The following RAD18 variants were observed in gnomAD, a reference collection of about 807,000 sequenced individuals.
RAD18 encodes RAD18 E3 ubiquitin protein ligase, also known as E3 ubiquitin-protein ligase RAD18.
RAD18 carries 47 observed loss-of-function variants against 60.4 expected under a neutral mutation model. The observed-to-expected ratio is 0.78, with a 90% confidence interval of 0.62 to 0.99. The LOEUF is 0.99. Ranked by LOEUF, RAD18 falls within the 50% of genes least tolerant of loss-of-function variation. RAD18 has a pLI of 0.00. For synonymous variants in RAD18, 225 were observed against 195.5 expected, an observed-to-expected ratio of 1.15 and a Z score of -1.26; for missense variants, 640 against 593.3, an observed-to-expected ratio of 1.08 and a Z score of -0.82.
At chr3:8,897,831 C>T (rs1306274810) in intron 11 of RAD18, among the ~76,000 whole-genome samples, 6 of 151,752 alleles carry the variant, frequency 4.0e-5, no homozygotes, top group African/African-American at 1.2e-4. Context: ...TTTGGGAGGC[C>T]GAGGTGGGTG....
intron 7 of RAD18, among the ~76,000 whole-genome samples, chr3:8,934,482 C>G (rs575117395): frequency 2.6e-5 from 4 of 152,248 alleles, no homozygotes; most frequent in African/African-American, 9.6e-5. Flanking sequence ...AGATGGCCAA[C>G]AAGCATATAA....
At chr3:8,889,514 TA>T (rs1939644471) in intron 12 of RAD18, among the ~76,000 whole-genome samples, 1 of 151,982 alleles carries the variant, frequency 6.6e-6, no homozygotes, top group African/African-American at 2.4e-5. Flanking sequence ...CACAGTGCTG[TA>T]AGCGCCTACT....
chr3:8,917,523 T>C (rs995128280), intron 7 of RAD18, among the ~76,000 whole-genome samples: 2 of 151,922 alleles, frequency 1.3e-5, no homozygotes, highest in Non-Finnish European at 2.9e-5. Context: ...GAATTAGGAG[T>C]TGGGAGTATG....
In RAD18 at chr3:8,935,899, G is replaced by A. The variant is rs1372493183; in HGVS notation, c.861C>T (p.Ala287=). The A allele has an allele frequency of 6.2e-7, 1 of 1,600,314 alleles. No individual in the cohort carries two copies. The highest frequency in any genetic ancestry group is 1.7e-5 in the Admixed American group (1 of 57,332). The change falls in exon 7 of 13, where the codon GCC becomes GCT. Residue 287 remains alanine (A), a synonymous_variant. Coordinates refer to ENST00000264926, the MANE Select transcript of RAD18 (RefSeq NM_020165.4). The stretch of plus-strand genomic sequence containing the variant: ...ATTTAGGATGCAAAGCATCGCATTG[G>A]GCATTGTACATGTGTACAAATTCTT... ...RHQEFVHMYN[A]QCDALHPKSA... is the part of the protein sequence containing the mutation.
At chr3:8,953,706 T>A (rs147475940) in intron 2 of RAD18, among the ~76,000 whole-genome samples, 2 of 152,230 alleles carry the variant, frequency 1.3e-5, no homozygotes, top group Admixed American at 1.3e-4. Context: ...CACAGAAATA[T>A]CCAAGCCTTG....
chr3:8,908,875 C>T (rs9835191), intron 9 of RAD18, among the ~76,000 whole-genome samples: 8,570 of 152,200 alleles, frequency 0.056, 765 homozygotes, highest in African/African-American at 0.19. Context: ...TCCCCAGCTC[C>T]GAGCACAGTG....
At chr3:8,889,585 A>G (rs899284144) in intron 12 of RAD18, among the ~76,000 whole-genome samples, 4 of 152,194 alleles carry the variant, frequency 2.6e-5, no homozygotes, top group Non-Finnish European at 5.9e-5. Flanking sequence ...AACTAGATGA[A>G]AAAATAAAGA....
At chr3:8,899,493 C>T (rs1023202734) in intron 10 of RAD18, among the ~76,000 whole-genome samples, 2 of 152,186 alleles carry the variant, frequency 1.3e-5, no homozygotes, top group Non-Finnish European at 1.5e-5. Flanking sequence ...TTTTTCTAAA[C>T]ATTTTTCTAG....
intron 7 of RAD18, among the ~76,000 whole-genome samples, chr3:8,918,175 C>A (rs113336904): frequency 6.6e-6 from 1 of 151,754 alleles, no homozygotes; most frequent in Non-Finnish European, 1.5e-5. Flanking sequence ...AAAATTAGCA[C>A]GGCATGGTGG....
At chr3:8,953,255 T>TTA (rs202190071) in intron 2 of RAD18, among the ~76,000 whole-genome samples, 5,510 of 151,088 alleles carry the variant, frequency 0.036, 139 homozygotes, top group Middle Eastern at 0.06. Context: ...TAAGTATACA[T>TTA]TATATATATT....
intron 9 of RAD18, among the ~76,000 whole-genome samples, chr3:8,909,458 C>T (rs1037117165): frequency 2.0e-5 from 3 of 150,670 alleles, no homozygotes; most frequent in Non-Finnish European, 2.9e-5. Flanking sequence ...TGTACGGACT[C>T]GGGGGATATT....
chr3:8,901,713 G>A (rs1939916215), intron 10 of RAD18, among the ~76,000 whole-genome samples: 1 of 152,150 alleles, frequency 6.6e-6, no homozygotes. Context: ...AAATGTTTTG[G>A]ATATAGACAG....
At chr3:8,936,130 C>A in intron 6 of RAD18, 75 bp from the exon 7 acceptor site, 1 of 1,325,096 alleles carries the variant, frequency 7.5e-7, no homozygotes, top group South Asian at 1.6e-5. Context: ...CAAATAAATT[C>A]TGATTCAACA....
intron 9 of RAD18, among the ~76,000 whole-genome samples, chr3:8,904,761 C>T (rs1939975417): frequency 6.6e-6 from 1 of 152,114 alleles, no homozygotes; most frequent in African/African-American, 2.4e-5. Context: ...ACTATGGGAT[C>T]TACATAATTT....
chr3:8,928,522 C>G (rs1940489661), intron 7 of RAD18, among the ~76,000 whole-genome samples: 1 of 151,840 alleles, frequency 6.6e-6, no homozygotes, highest in South Asian at 2.1e-4. Context: ...ATTTTTGAGG[C>G]AAGGAATATT....
At chr3:8,946,493 T>C (rs1373145021) in intron 4 of RAD18, among the ~76,000 whole-genome samples, 1 of 152,230 alleles carries the variant, frequency 6.6e-6, no homozygotes, top group Non-Finnish European at 1.5e-5. Context: ...ACGTCCTTCA[T>C]AAAAATTCTT....
intron 12 of RAD18, among the ~76,000 whole-genome samples, chr3:8,881,887 C>T (rs1430722155): frequency 3.3e-5 from 5 of 152,304 alleles, no homozygotes; most frequent in Admixed American, 1.3e-4. Flanking sequence ...AAAGATGGGC[C>T]ACACTTCTCT....
At chr3:8,894,460 GACAA>G (rs1379499781) in intron 11 of RAD18, among the ~76,000 whole-genome samples, 1 of 152,070 alleles carries the variant, frequency 6.6e-6, no homozygotes, top group Non-Finnish European at 1.5e-5. Flanking sequence ...AAGTTAGAGG[GACAA>G]ACAAACAAAA....
intron 7 of RAD18, among the ~76,000 whole-genome samples, chr3:8,925,743 A>G (rs1048831494): frequency 2.6e-5 from 4 of 152,238 alleles, no homozygotes; most frequent in Admixed American, 2.0e-4. Flanking sequence ...CCTGGGATGC[A>G]AGGCTGGTTC....
Sources: allele counts gnomAD v4.1 joint callset (sites outside exome capture counted in the v4.1 genomes callset), GRCh38; gene constraint gnomAD v4.1.1; transcripts MANE v1.5; gene names NCBI Gene and HGNC (gene_info 2026-07-23, HGNC 2026-07-21).